Variants in MUTYH observed in about 807,000 individuals in gnomAD.
MUTYH encodes the protein mutY DNA glycosylase, also known as adenine DNA glycosylase.
In MUTYH, 64 loss-of-function variants were observed where a neutral mutation model predicts 72.9. That is an observed-to-expected ratio of 0.88 (90% confidence interval 0.72 to 1.08). The LOEUF (loss-of-function observed/expected upper bound fraction) is 1.08, where lower values mean the gene tolerates loss of function less well. MUTYH is among the 50% of genes least tolerant of loss of function. The pLI, the probability that MUTYH is intolerant of heterozygous loss-of-function variation, is 0.00. For missense variants in MUTYH, 633 were observed against 671.0 expected (o/e 0.94, Z 0.63); for synonymous variants, 234 against 263.1 (o/e 0.89, Z 1.07).
chr1:45,329,423 G>C lies in MUTYH; in HGVS notation c.1449C>G (p.Ser483=). The change falls in exon 16 of 16, where the codon TCC becomes TCG. Residue 483 remains serine, a synonymous_variant. Transcript: ENST00000456914. ...QPGTCMGSKR[S]QVSSPCSRKK... ...TCCGACTGCACGGAGAGGACACCTG[G>C]GACCTTTTGGAACCCTGTGAAAAAA... is the stretch of plus-strand genomic sequence containing the variant. 1 of 1,614,058 alleles carries C rather than the reference G, an allele frequency of 6.2e-7. No individual in the cohort carries two copies.
At chr1:45,331,992 G>A (rs762303829) in intron 11 of MUTYH, 31 bp downstream of exon 11, 2 of 1,614,136 alleles carry the variant, frequency 1.2e-6, no homozygotes, top group Admixed American at 3.3e-5. Context: ...GGCCAGGAAG[G>A]GTTGGGGTGG....
chr1:45,338,219 C>G (rs1310917499), intron 1 of MUTYH: 1 of 530,082 alleles, frequency 1.9e-6, no homozygotes, highest in Non-Finnish European at 3.7e-6. Flanking sequence ...GGCTGCCACA[C>G]CCTTGCTCTT....
At position 45,332,668 on chromosome 1, in the gene MUTYH, C is replaced by T. The variant is rs1263648272; in HGVS notation, c.512G>A (p.Gly171Asp). Reference sequence around the variant, plus strand: ...GGTCTCTGCTGTACGTGGCATGTGGCCCCCTAGCTCCTCTACCACCTGATT... The same window carrying T: ...GGTCTCTGCTGTACGTGGCATGTGGTCCCCTAGCTCCTCTACCACCTGATT... ...GARKVVEELG[G>D]HMPRTAETLQ... Residue 171 changes from glycine (G) to aspartate (D), a missense_variant, in exon 8 of 16, where the codon GGC becomes GAC. Transcript: ENST00000456914. 1.9e-6 allele frequency: 3 copies of T among 1,613,966 alleles called. No individual in the cohort carries two copies. The highest frequency in any genetic ancestry group is 8.5e-7 in the Non-Finnish European group (1 of 1,179,994).
Position 45,334,412 on chromosome 1 carries a change from CCTGA to C in MUTYH, c.90_93del (p.Ser30ArgfsTer32), listed in dbSNP as rs1645561773. 6.2e-7 allele frequency: 1 copy of C among 1,614,062 alleles called. No homozygotes were observed. Among genetic ancestry groups the C allele is most frequent in the African/African-American group, 1.3e-5 (1 of 74,936 alleles). ...TTACCATCACAGGCAGAAGGCTTGG[CCTGA>C]CTGTTGTTCTTAGCATGCTTCTGCC... is the stretch of plus-strand genomic sequence containing the variant. On this transcript the variant is annotated frameshift_variant, in exon 2 of 16. Transcript: ENST00000456914. LOFTEE classifies it high-confidence loss of function.
At chr1:45,339,235 A>C (rs1423002557) in intron 1 of MUTYH, among the ~76,000 whole-genome samples, 9 of 99,700 alleles carry the variant, frequency 9.0e-5, no homozygotes, top group Non-Finnish European at 1.7e-4. Context: ...TTTGAGACGG[A>C]GTTTCGCTCT....
At chr1:45,329,574 T>C in intron 15 of MUTYH, 137 bp from the exon 16 acceptor site, 1 of 1,227,378 alleles carries the variant, frequency 8.1e-7, no homozygotes, top group Non-Finnish European at 1.1e-6. Context: ...GCTTTCATCC[T>C]GCCTCAAGTA....
At position 45,331,523 on chromosome 1, in the gene MUTYH, A is replaced by G. The variant is rs1644853541; in HGVS notation, c.1136T>C (p.Val379Ala). The change falls in exon 13 of 16, where the codon GTG becomes GCG. Residue 379 changes from valine to alanine, a missense_variant. By Grantham distance (64) the Val-to-Ala change is moderately conservative. Coordinates refer to ENST00000456914, the MANE Select transcript of MUTYH (RefSeq NM_001048174.2). ...LLAGLWEFPS[V>A]TWEPSEQLQR... Reference sequence around the variant, plus strand: ...AAGCTGCTCTGAGGGCTCCCAGGTCACGGACGGGAACTCCCACAGTCCTGC... The same window carrying G: ...AAGCTGCTCTGAGGGCTCCCAGGTCGCGGACGGGAACTCCCACAGTCCTGC... 6.2e-7 allele frequency: 1 copy of G among 1,614,090 alleles called. No homozygotes were observed. The highest frequency in any genetic ancestry group is 8.5e-7 in the Non-Finnish European group (1 of 1,180,030).
rs1553127975 is a variant in MUTYH, at chr1:45,332,403, G to A, written c.692C>T (p.Ser231Phe). The change falls in exon 9 of 16, where the codon TCC becomes TTC. Residue 231 changes from serine (S) to phenylalanine (F), a missense_variant. Physicochemically the swap from Ser to Phe is radical, Grantham distance 155 (BLOSUM62 -2). Transcript: ENST00000456914. ...IGADPSSTLV[S>F]QQLWGLAQQL... ...CCCAACATCCTACCAGAGCTGCTGG[G>A]AAACAAGGGTGCTGCTGGGATCAGC... 2 of 1,614,166 alleles carry A rather than the reference G, an allele frequency of 1.2e-6. No individual in the cohort carries two copies. Among genetic ancestry groups the A allele is most frequent in the Non-Finnish European group, 1.7e-6 (2 of 1,180,020 alleles).
At chr1:45,340,015 C>G, upstream of MUTYH, 3 of 1,539,988 alleles carry the variant, frequency 1.9e-6, no homozygotes, top group African/African-American at 1.4e-5. Context: ...CCGGCGCACT[C>G]CAGGGGGCGT....
intron 4 of MUTYH, 48 bp downstream of exon 4, chr1:45,333,237 C>A: frequency 6.2e-7 from 1 of 1,614,176 alleles, no homozygotes; most frequent in Non-Finnish European, 8.5e-7. Flanking sequence ...GCCCCCAGAC[C>A]CAAGGGCCTC....
In MUTYH at chr1:45,331,526, G is replaced by A. The variant is rs559963863; in HGVS notation, c.1133C>T (p.Ser378Phe). The A allele has an allele frequency of 6.2e-7, 1 of 1,614,084 alleles. No homozygotes were observed. Among genetic ancestry groups the A allele is most frequent in the Non-Finnish European group, 8.5e-7 (1 of 1,180,042 alleles). ...CTGCTCTGAGGGCTCCCAGGTCACG[G>A]ACGGGAACTCCCACAGTCCTGCCAG... ...GLLAGLWEFPSVTWEPSEQLQ... is the reference protein window; with the variant it reads ...GLLAGLWEFPFVTWEPSEQLQ... Residue 378 changes from serine (S) to phenylalanine (F), a missense_variant, in exon 13 of 16, where the codon TCC becomes TTC. By Grantham distance (155) the Ser-to-Phe change is radical. Coordinates refer to ENST00000456914, the MANE Select transcript of MUTYH (RefSeq NM_001048174.2).
chr1:45,339,627 A>T (rs1364135545), intron 1 of MUTYH: 1 of 357,256 alleles, frequency 2.8e-6, no homozygotes, highest in Non-Finnish European at 5.5e-6. Flanking sequence ...AGTTCACATT[A>T]TCACTTGATT....
At chr1:45,337,072 T>G (rs1292745544) in intron 1 of MUTYH, among the ~76,000 whole-genome samples, 1 of 152,016 alleles carries the variant, frequency 6.6e-6, no homozygotes, top group Non-Finnish European at 1.5e-5. Context: ...TTCTACAATC[T>G]ATTCTCCAAA....
At chr1:45,334,306 T>C (rs1352345536) in intron 2 of MUTYH, 85 bp downstream of exon 2, 47 of 1,595,132 alleles carry the variant, frequency 2.9e-5, no homozygotes, top group Non-Finnish European at 3.7e-5. Flanking sequence ...AGTCTCTTAA[T>C]GTCTTGATAC....
chr1:45,334,573 C>T, intron 1 of MUTYH, 62 bp from the exon 2 acceptor site: 3 of 1,609,686 alleles, frequency 1.9e-6, no homozygotes, highest in Admixed American at 1.7e-5. Context: ...TGAGGCCTTC[C>T]AAGGGTGATA....
At chr1:45,332,996 G>A in intron 5 of MUTYH, 37 bp from the exon 6 acceptor site, 2 of 1,613,938 alleles carry the variant, frequency 1.2e-6, no homozygotes, top group Non-Finnish European at 8.5e-7. Context: ...ACAAGGTCAA[G>A]GGTGAAGGTG....
At chr1:45,336,160 ATCT>A (rs1645852396) in intron 1 of MUTYH, among the ~76,000 whole-genome samples, 1 of 151,654 alleles carries the variant, frequency 6.6e-6, no homozygotes, top group East Asian at 1.9e-4. Flanking sequence ...CTTCAACAGA[ATCT>A]CCTTCTGGCC....
In MUTYH at chr1:45,331,220, C is replaced by A. The variant is rs121908381; in HGVS notation, c.1354G>T (p.Glu452Ter). Residue 452 changes from glutamate to a stop codon, truncating the protein, a stop_gained, in exon 14 of 16, where the codon GAA becomes TAA. Transcript: ENST00000456914. LOFTEE classifies it high-confidence loss of function. ...PPGARWLTQE[E>*]FHTAAVSTAM... ...GTGGAAACAGCTGCGGTGTGAAATTCCTCCTGCGTCAGCCAGCGAGCACCT... is the reference window on the plus strand; with the variant it reads ...GTGGAAACAGCTGCGGTGTGAAATTACTCCTGCGTCAGCCAGCGAGCACCT... 4.5e-5 allele frequency: 73 copies of A among 1,614,088 alleles called. 2 individuals carry two copies. In the South Asian group the frequency reaches 7.6e-4, roughly 17 times the overall value.
In MUTYH at chr1:45,332,382, A is replaced by G. The variant is rs143091801; in HGVS notation, c.704+9T>C. ...CCCCTGAAGCACCCTTGTTACCCCAACATCCTACCAGAGCTGCTGGGAAAC... is the reference window on the plus strand; with the variant it reads ...CCCCTGAAGCACCCTTGTTACCCCAGCATCCTACCAGAGCTGCTGGGAAAC... On this transcript the variant is annotated intron_variant, in intron 9 of 15. Coordinates refer to ENST00000456914, the MANE Select transcript of MUTYH (RefSeq NM_001048174.2). 6.2e-6 allele frequency: 10 copies of G among 1,614,116 alleles called. No individual in the cohort carries two copies. In the African/African-American group the frequency reaches 1.3e-4, roughly 22 times the overall value.
Sources: allele counts gnomAD v4.1 joint callset (sites outside exome capture counted in the v4.1 genomes callset), GRCh38; gene constraint gnomAD v4.1.1; transcripts MANE v1.5; gene names NCBI Gene and HGNC (gene_info 2026-07-23, HGNC 2026-07-21).